Variants in SMG6 observed in about 807,000 individuals in gnomAD.
SMG6 encodes telomerase-binding protein EST1A.
In SMG6, 66 loss-of-function variants were observed where a neutral mutation model predicts 142.2. The ratio of observed to expected loss-of-function variants is 0.46; its 90% CI spans 0.38 to 0.57. SMG6 has a LOEUF of 0.57. Among genes scored for constraint, SMG6 ranks in the 20% least tolerant of loss-of-function variants. The probability of loss-of-function intolerance (pLI) is 0.00; values close to 1 mark genes in which losing one functional copy is unlikely to be tolerated. For missense variants in SMG6, 1,793 were observed against 1,832.0 expected (o/e 0.98, Z 0.39); for synonymous variants, 779 against 702.4 (o/e 1.11, Z -1.72).
Position 2,299,090 on chromosome 17 carries a change from C to T in SMG6, c.1663G>A (p.Val555Met), listed in dbSNP as rs754269063. The T allele has an allele frequency of 2.5e-6, 4 of 1,614,176 alleles. No homozygotes were observed. Among genetic ancestry groups the T allele is most frequent in the Non-Finnish European group, 3.4e-6 (4 of 1,180,020 alleles). ...PGYPTPSGQY[V>M]CSPLPTSTMS... ...GTGCTGGTAGGTAGAGGGCTACACA[C>T]ATACTGTCCTGACGGAGTCGGGTAG... The change falls in exon 2 of 19, where the codon GTG (valine) becomes ATG (methionine). Residue 555 changes from valine to methionine, a missense_variant. Around this residue, in one of 3 missense-constraint regions of SMG6, gnomAD observed 1,597 missense variants for 1,584.6 expected, o/e 1.01. Transcript: ENST00000263073. The surrounding 1 kb of genome is among the most constrained non-coding windows in gnomAD (Gnocchi z 4.3).
intron 13 of SMG6, among the ~76,000 whole-genome samples, chr17:2,155,457 T>G (rs2070972446): frequency 6.6e-6 from 1 of 152,178 alleles, no homozygotes; most frequent in South Asian, 2.1e-4. Context: ...AATAAAATGA[T>G]GAGGATAGCC....
At chr17:2,170,408 T>G (rs2071467554) in intron 13 of SMG6, among the ~76,000 whole-genome samples, 1 of 152,212 alleles carries the variant, frequency 6.6e-6, no homozygotes, top group Admixed American at 6.5e-5. Flanking sequence ...AAAGACAGCT[T>G]CAATAGCGAA....
intron 10 of SMG6, among the ~76,000 whole-genome samples, chr17:2,197,398 TA>T (rs1299602403): frequency 0.011 from 1,649 of 144,926 alleles, 29 homozygotes; most frequent in African/African-American, 0.036. Context: ...ACTGTGTCTC[TA>T]AAAAAAAAAA....
At chr17:2,117,228 G>A (rs1033380830) in intron 13 of SMG6, among the ~76,000 whole-genome samples, 3 of 151,550 alleles carry the variant, frequency 2.0e-5, no homozygotes. Context: ...CCAAGTAGCT[G>A]GGACCACAGA....
chr17:2,233,131 G>C (rs755188497), intron 10 of SMG6: 4 of 152,300 alleles, frequency 2.6e-5, no homozygotes, highest in Non-Finnish European at 5.9e-5. Flanking sequence ...CACACTTTTA[G>C]AGAAAGGAAT....
intron 10 of SMG6, among the ~76,000 whole-genome samples, chr17:2,190,993 A>G (rs752669445): frequency 2.0e-5 from 3 of 152,202 alleles, no homozygotes; most frequent in African/African-American, 2.4e-5. Flanking sequence ...ACCTCCTGGA[A>G]GGCCTGTCCT....
At position 2,283,656 on chromosome 17, in the gene SMG6, A is replaced by C. The variant is rs1478370126; in HGVS notation, c.2417T>G (p.Leu806Arg). 6.2e-7 allele frequency: 1 copy of C among 1,614,148 alleles called. No individual in the cohort carries two copies. The highest frequency in any genetic ancestry group is 1.7e-5 in the Admixed American group (1 of 60,020). The change falls in exon 7 of 19, where the codon CTC (leucine) becomes CGC (arginine). Residue 806 changes from leucine (L) to arginine (R), a missense_variant. Coordinates refer to ENST00000263073, the MANE Select transcript of SMG6 (RefSeq NM_017575.5). ...CTTGGTCTCTTCAAACAAGCTCATG[A>C]GACTCTCCTTGGCAGTCAGGATAGG... is the stretch of plus-strand genomic sequence containing the variant. Reference protein sequence around the residue: ...SNPILTAKESLMSLFEETKRK... With the variant: ...SNPILTAKESRMSLFEETKRK...
At chr17:2,075,383 CT>C (rs1199529716) in intron 15 of SMG6, among the ~76,000 whole-genome samples, 1 of 152,212 alleles carries the variant, frequency 6.6e-6, no homozygotes, top group Non-Finnish European at 1.5e-5. Context: ...CAGAGCAAGA[CT>C]GTGGCCATAA....
chr17:2,190,294 T>C (rs1010241378), intron 10 of SMG6, among the ~76,000 whole-genome samples: 6 of 152,132 alleles, frequency 3.9e-5, no homozygotes, highest in Non-Finnish European at 8.8e-5. Context: ...CACATCCTGG[T>C]AGCTGATACT....
chr17:2,105,706 T>A (rs1432336809), intron 13 of SMG6, among the ~76,000 whole-genome samples: 1 of 152,146 alleles, frequency 6.6e-6, no homozygotes, highest in African/African-American at 2.4e-5. Context: ...TACTGAAATT[T>A]AAAATTTCTC....
Position 2,297,883 on chromosome 17 carries a change from G to A in SMG6, c.2020C>T (p.Leu674Phe). The change falls in exon 3 of 19, where the codon CTT becomes TTT. Residue 674 changes from leucine to phenylalanine, a missense_variant. Coordinates refer to ENST00000263073, the MANE Select transcript of SMG6 (RefSeq NM_017575.5). ...VENPEQIRNR[L>F]LELLDEGSDF... ...TTTACCTCATCCAAGAGCTCCAAAA[G>A]TCTGTTCCGAATCTGTTCTGGGTTC... The A allele has an allele frequency of 5.6e-6, 9 of 1,611,426 alleles. No homozygotes were observed. Among genetic ancestry groups the A allele is most frequent in the Non-Finnish European group, 7.6e-6 (9 of 1,179,986 alleles).
chr17:2,210,037 CT>C (rs1004130529), intron 10 of SMG6, among the ~76,000 whole-genome samples: 4 of 152,170 alleles, frequency 2.6e-5, no homozygotes, highest in Non-Finnish European at 5.9e-5. Context: ...CATCCAACTA[CT>C]TGGTGGGGAG....
chr17:2,303,302 C>T (rs2075327078), intron 1 of SMG6: 2 of 1,118,582 alleles, frequency 1.8e-6, no homozygotes, highest in Non-Finnish European at 2.2e-6. Context: ...CACCAGACCC[C>T]ACTCCTTTCC....
chr17:2,255,547 C>T (rs2074153342), intron 8 of SMG6, among the ~76,000 whole-genome samples: 1 of 151,850 alleles, frequency 6.6e-6, no homozygotes, highest in Non-Finnish European at 1.5e-5. Flanking sequence ...GGCCAGCTGC[C>T]CCGTCCGGGA....
chr17:2,246,389 T>C (rs1258732622), intron 8 of SMG6, among the ~76,000 whole-genome samples: 2 of 152,236 alleles, frequency 1.3e-5, no homozygotes, highest in African/African-American at 4.8e-5. Flanking sequence ...AGAAAGTCCC[T>C]GTTTAATCCT....
At chr17:2,188,062 A>AG (rs1192744438) in intron 11 of SMG6, among the ~76,000 whole-genome samples, 8 of 152,180 alleles carry the variant, frequency 5.3e-5, no homozygotes, top group Non-Finnish European at 1.2e-4. Flanking sequence ...AAAGAGATAA[A>AG]GGGGAAAACA....
chr17:2,081,874 C>A lies in SMG6; in HGVS notation c.3617G>T (p.Arg1206Leu), dbSNP rs766311768. The A allele has an allele frequency of 3.8e-5, 62 of 1,613,984 alleles. No homozygotes were observed. The highest frequency in any genetic ancestry group is 1.1e-5 in the Non-Finnish European group (13 of 1,180,022). Residue 1206 changes from arginine (R) to leucine (L), a missense_variant, in exon 15 of 19, where the codon CGG (arginine) becomes CTG (leucine). By Grantham distance (102) the Arg-to-Leu change is moderately radical. Around this residue, in one of 3 missense-constraint regions of SMG6, gnomAD observed 1,597 missense variants for 1,584.6 expected, o/e 1.01. Transcript: ENST00000263073. ...CCTGGCCAGAGCCAGCTTCTTGGCC[C>A]GAAGCTCCCTGATGTCATCCTCGCC... ...SGGEDDIRELRAKKLALARKI... is the reference protein window; with the variant it reads ...SGGEDDIRELLAKKLALARKI...
intron 8 of SMG6, among the ~76,000 whole-genome samples, chr17:2,255,179 C>T (rs181204759): frequency 0.01 from 1,518 of 151,572 alleles, 17 homozygotes; most frequent in Non-Finnish European, 0.016. Flanking sequence ...CCGAGGCGGG[C>T]GGATCACGAG....
intron 3 of SMG6, 93 bp downstream of exon 3, chr17:2,297,770 T>C (rs2075175723): frequency 1.4e-6 from 2 of 1,417,218 alleles, no homozygotes; most frequent in Non-Finnish European, 9.6e-7. Flanking sequence ...GTCGATATTC[T>C]GTTCTAAAAC....
Sources: allele counts gnomAD v4.1 joint callset (sites outside exome capture counted in the v4.1 genomes callset), GRCh38; gene constraint gnomAD v4.1.1; regional missense constraint gnomAD v4.1.1; non-coding constraint Gnocchi (gnomAD v3.1); transcripts MANE v1.5; gene names NCBI Gene and HGNC (gene_info 2026-07-23, HGNC 2026-07-21).